Variants in MALAT1 observed in about 807,000 individuals in gnomAD.
MALAT1 encodes metastasis associated lung adenocarcinoma transcript 1, also known as hepcarcin.
chr11:65,498,166 C>T (rs747759684), intron 1 of MALAT1: 6 of 518,798 alleles, frequency 1.2e-5, no homozygotes, highest in African/African-American at 7.7e-5. Flanking sequence ...TGGGTGTGTC[C>T]CTGACTGGCT....
chr11:65,502,803 G>GTCTTAC, exon 3 of MALAT1: 1 of 513,160 alleles, frequency 1.9e-6, no homozygotes. Context: ...CTACTGATGA[G>GTCTTAC]AACATTATCT....
intron 3 of MALAT1, chr11:65,505,162 T>C (rs755579680): frequency 1.9e-6 from 1 of 518,844 alleles, no homozygotes; most frequent in Non-Finnish European, 3.8e-6. Flanking sequence ...AGGTGGGCGC[T>C]AAGCCTTTTT....
chr11:65,505,236 C>A, intron 3 of MALAT1: 2 of 518,220 alleles, frequency 3.9e-6, no homozygotes, highest in Non-Finnish European at 7.7e-6. Context: ...AACCATGGAG[C>A]CTTCCTGTGG....
exon 3 of MALAT1, chr11:65,501,148 T>C (rs566667488): frequency 1.9e-6 from 1 of 517,968 alleles, no homozygotes; most frequent in East Asian, 5.5e-5. Context: ...ATGACCTGTT[T>C]TTACTTCCTC....
chr11:65,501,668 A>ACTGGAG (rs750137422), exon 3 of MALAT1: 2 of 519,008 alleles, frequency 3.9e-6, no homozygotes, highest in East Asian at 1.1e-4. Context: ...ACCTTCAGGG[A>ACTGGAG]CTGGAGCTGC....
exon 3 of MALAT1, chr11:65,502,655 C>G (rs757054383): frequency 2.1e-6 from 1 of 482,676 alleles, no homozygotes; most frequent in South Asian, 1.5e-5. Flanking sequence ...CAGATAACAT[C>G]TTCTGAGTCA....
intron 1 of MALAT1, chr11:65,497,875 C>G (rs533468558): frequency 5.8e-6 from 3 of 518,682 alleles, no homozygotes; most frequent in Non-Finnish European, 3.9e-6. Context: ...GGCAGGTCCC[C>G]TCTGACGCCT....
chr11:65,497,879 G>A (rs1226641296), intron 1 of MALAT1: 1 of 518,786 alleles, frequency 1.9e-6, no homozygotes, highest in African/African-American at 1.9e-5. Flanking sequence ...GGTCCCCTCT[G>A]ACGCCTCCGG....
chr11:65,505,741 A>G (rs773987631), intron 3 of MALAT1: 1 of 519,030 alleles, frequency 1.9e-6, no homozygotes, highest in Non-Finnish European at 3.8e-6. Flanking sequence ...TTGTTAACAG[A>G]AGGGTATTAA....
At chr11:65,500,097 A>C (rs781616439) in exon 3 of MALAT1, 6 of 466,316 alleles carry the variant, frequency 1.3e-5, no homozygotes, top group Non-Finnish European at 2.2e-5. Flanking sequence ...GTTTACGTAG[A>C]CCAGAACCAA....
exon 3 of MALAT1, chr11:65,500,433 A>C (rs1458097908): frequency 1.9e-6 from 1 of 518,992 alleles, no homozygotes; most frequent in East Asian, 5.4e-5. Context: ...GAATCTAGGA[A>C]GACAGCAGCA....
chr11:65,499,125 CTT>C (rs1854475966), exon 3 of MALAT1: 1 of 517,650 alleles, frequency 1.9e-6, no homozygotes, highest in Admixed American at 1.9e-5. Flanking sequence ...GTTTTTTTCT[CTT>C]TGAAAGATAG....
exon 3 of MALAT1, chr11:65,500,268 T>C: frequency 3.9e-6 from 2 of 518,704 alleles, no homozygotes; most frequent in Non-Finnish European, 7.7e-6. Flanking sequence ...GTTTGAAAAA[T>C]GTGAAGGACT....
At chr11:65,498,320 T>C (rs374909824) in intron 1 of MALAT1, 13 of 518,000 alleles carry the variant, frequency 2.5e-5, no homozygotes, top group African/African-American at 2.1e-4. Context: ...TAGAAAAATT[T>C]CCGTGCGGGC....
In MALAT1 at chr11:65,498,366, C is replaced by CA. The variant is rs544627119; in HGVS notation, n.179-315dup. 2.1e-4 allele frequency: 111 copies of CA among 518,242 alleles called. 1 individual carries two copies. In the East Asian group the frequency reaches 5.9e-3, roughly 27 times the overall value. The allele number at this position is 518,242 out of a possible 1,614,324, so 32.1% of individuals were successfully genotyped here. On this transcript the variant is annotated intron_variant and non_coding_transcript_variant, in intron 1 of 3. Coordinates refer to ENST00000619449, the Ensembl canonical transcript of MALAT1. ...TGGCGGCAACTGGGGGGCCGCAGAT[C>CA]AGAGTGGGCCACTGGCAGCCAACGG...
intron 3 of MALAT1, chr11:65,503,940 A>C (rs1284584995): frequency 1.9e-6 from 1 of 515,738 alleles, no homozygotes; most frequent in African/African-American, 1.9e-5. Flanking sequence ...AGGTAATTAC[A>C]CATTTTATTT....
chr11:65,498,331 C>A (rs775351059), intron 1 of MALAT1: 2 of 517,676 alleles, frequency 3.9e-6, no homozygotes, highest in African/African-American at 1.9e-5. Context: ...CCGTGCGGGC[C>A]GTGGGGGGCT....
In MALAT1 at chr11:65,499,540, C is replaced by T. The variant is rs535597883; in HGVS notation, n.803C>T. The stretch of plus-strand genomic sequence containing the variant: ...GATTAAAAGACCTTGAAATCCATGA[C>T]GCAGGGAGAATTGCGTCATTTAAAG... On this transcript the variant is annotated non_coding_transcript_exon_variant, in exon 3 of 4. Transcript: ENST00000619449. The T allele has an allele frequency of 7.2e-5, 33 of 459,126 alleles. 1 individual carries two copies. The highest frequency in any genetic ancestry group is 5.1e-4 in the South Asian group (32 of 62,594). 28.4% of individuals were successfully genotyped at this position (459,126 alleles called of 1,614,324 possible).
intron 1 of MALAT1, chr11:65,498,296 A>C (rs1205552559): frequency 1.9e-6 from 1 of 518,398 alleles, no homozygotes; most frequent in Non-Finnish European, 3.8e-6. Context: ...GAGAGCCTGG[A>C]AGCTGAAAAA....
Sources: allele counts gnomAD v4.1 joint callset, GRCh38; gene constraint gnomAD v4.1.1; transcripts MANE v1.5; gene names NCBI Gene and HGNC (gene_info 2026-07-23, HGNC 2026-07-21).